ALK: variants seen among roughly 807,000 people sequenced by gnomAD.
ALK encodes ALK receptor tyrosine kinase, also known as ALK tyrosine kinase receptor.
A neutral mutation model predicts 163.1 loss-of-function variants in ALK; 74 were observed. The observed-to-expected ratio is 0.45, with a 90% confidence interval of 0.38 to 0.55. The LOEUF is 0.55. Ranked by LOEUF, ALK falls within the 20% of genes least tolerant of loss-of-function variation. ALK has a pLI of 0.00. For missense variants in ALK, 2,063 were observed against 2,105.3 expected (o/e 0.98, Z 0.39); for synonymous variants, 960 against 843.2 (o/e 1.14, Z -2.40).
chr2:29,442,855 T>C (rs547122066), intron 4 of ALK, among the ~76,000 whole-genome samples: 2 of 152,206 alleles, frequency 1.3e-5, no homozygotes, highest in African/African-American at 4.8e-5. Flanking sequence ...AACATAGTGT[T>C]AGACAAATGA....
intron 3 of ALK, among the ~76,000 whole-genome samples, chr2:29,561,953 T>C (rs1325689827): frequency 2.6e-5 from 4 of 152,150 alleles, no homozygotes; most frequent in Admixed American, 6.5e-5. Flanking sequence ...CAGATACTAC[T>C]GAGAATCACT....
At chr2:29,302,237 G>C (rs545299288) in intron 8 of ALK, among the ~76,000 whole-genome samples, 2 of 152,216 alleles carry the variant, frequency 1.3e-5, no homozygotes, top group Non-Finnish European at 2.9e-5. Context: ...TTAACTTCCG[G>C]CCGGGTGCGG....
chr2:29,304,493 T>TAAAA (rs70958256), intron 8 of ALK, among the ~76,000 whole-genome samples: 1 of 125,436 alleles, frequency 8.0e-6, no homozygotes, highest in Non-Finnish European at 1.6e-5. Flanking sequence ...AGACTGTGTC[T>TAAAA]AAAAAAAAAA....
intron 3 of ALK, among the ~76,000 whole-genome samples, chr2:29,662,565 T>C (rs1677382089): frequency 1.3e-5 from 2 of 152,142 alleles, no homozygotes; most frequent in Admixed American, 1.3e-4. Context: ...AGAATTTACA[T>C]CGAGGAATAT....
rs1322100435 is a variant in ALK at position 29,920,741 on chromosome 2, CA to C, written c.-83del. The C allele has an allele frequency of 1.5e-6, 2 of 1,290,762 alleles. No individual in the cohort carries two copies. Among genetic ancestry groups the C allele is most frequent in the African/African-American group, 2.9e-5 (2 of 68,076 alleles). 80.0% of individuals were successfully genotyped at this position (1,290,762 alleles called of 1,614,324 possible). Reference sequence around the variant, plus strand: ...CCCCGAGATGGGAAGAGGCTCTGAACAGTCCTTGGTACCCAGCGGCTCCTTC... The same window carrying C: ...CCCCGAGATGGGAAGAGGCTCTGAACGTCCTTGGTACCCAGCGGCTCCTTC... On this transcript the variant is annotated 5_prime_UTR_variant, in exon 1 of 29. Transcript: ENST00000389048.
chr2:29,536,644 A>G (rs1159753844), intron 3 of ALK, among the ~76,000 whole-genome samples: 1 of 152,192 alleles, frequency 6.6e-6, no homozygotes, highest in Non-Finnish European at 1.5e-5. Flanking sequence ...TAACTTTGGA[A>G]CTGAGTAACG....
Position 29,640,536 on chromosome 2 carries a change from T to C in ALK, c.952+54314A>G, listed in dbSNP as rs189997184. Among the ~76,000 whole-genome samples, 22 of 152,338 alleles carry C rather than the reference T, an allele frequency of 1.4e-4. No individual in the cohort carries two copies. The East Asian group carries it at 3.9e-3, about 27-fold the overall frequency. ...AAGAAGCTGAGCAGGCGCCACATTC[T>C]GTACATGCCTATACATGAGAAGCTG... is the stretch of plus-strand genomic sequence containing the variant. On this transcript the variant is annotated intron_variant, in intron 3 of 28. Transcript: ENST00000389048.
chr2:29,910,610 A>C (rs1667676509), intron 1 of ALK, among the ~76,000 whole-genome samples: 1 of 152,216 alleles, frequency 6.6e-6, no homozygotes, highest in Non-Finnish European at 1.5e-5. Flanking sequence ...AAGGTGGGAA[A>C]GACATAACAG....
intron 1 of ALK, among the ~76,000 whole-genome samples, chr2:29,818,118 C>T (rs1664948250): frequency 6.6e-6 from 1 of 152,130 alleles, no homozygotes; most frequent in African/African-American, 2.4e-5. Flanking sequence ...TATTATTCCT[C>T]TTATTATCTC....
At position 29,508,733 on chromosome 2, in the gene ALK, C is replaced by CAAA. The variant is rs60719550; in HGVS notation, c.1154+23179_1154+23181dup. ...CCAAAAAAATCCCATATCTGCAACT[C>CAAA]AAAAAAAAAAAAAAAAAAAAAAAAA... On this transcript the variant is annotated intron_variant, in intron 4 of 28. Transcript: ENST00000389048. 4.3e-3 allele frequency among the ~76,000 whole-genome samples: 284 copies of CAAA among 65,498 alleles called. 9 individuals are homozygous for CAAA. The highest frequency in any genetic ancestry group is 0.011 in the African/African-American group (158 of 14,804). 43.0% of individuals were successfully genotyped at this position (65,498 alleles called of 152,430 possible).
intron 4 of ALK, among the ~76,000 whole-genome samples, chr2:29,472,200 G>C (rs563331737): frequency 2.6e-5 from 4 of 152,236 alleles, no homozygotes; most frequent in Non-Finnish European, 5.9e-5. Flanking sequence ...CCAGTCTACT[G>C]TTGGCATCAA....
At chr2:29,575,966 C>G (rs576628598) in intron 3 of ALK, among the ~76,000 whole-genome samples, 22 of 152,236 alleles carry the variant, frequency 1.4e-4, no homozygotes, top group African/African-American at 5.3e-4. Context: ...TATATGAGAG[C>G]ATACTGTGCA....
chr2:29,538,130 A>T (rs900374104), intron 3 of ALK, among the ~76,000 whole-genome samples: 1 of 152,208 alleles, frequency 6.6e-6, no homozygotes, highest in Non-Finnish European at 1.5e-5. Flanking sequence ...ATGAGTTAAT[A>T]CTTTTGAGGA....
At chr2:29,880,003 A>G (rs544114543) in intron 1 of ALK, among the ~76,000 whole-genome samples, 1 of 152,350 alleles carries the variant, frequency 6.6e-6, no homozygotes, top group Admixed American at 6.5e-5. Context: ...CCAATGTCCC[A>G]TGGCAGATTT....
intron 8 of ALK, among the ~76,000 whole-genome samples, chr2:29,299,200 GC>G (rs1173563804): frequency 6.6e-6 from 1 of 152,058 alleles, no homozygotes; most frequent in East Asian, 1.9e-4. Context: ...CTCCTAAAGT[GC>G]CTCTCCCTCT....
intron 1 of ALK, among the ~76,000 whole-genome samples, chr2:29,809,043 C>T (rs917029611): frequency 3.3e-5 from 5 of 152,180 alleles, no homozygotes; most frequent in Non-Finnish European, 2.9e-5. Context: ...CTTCACCAAA[C>T]CAGTGGAATA....
intron 4 of ALK, among the ~76,000 whole-genome samples, chr2:29,449,500 G>C (rs1670770043): frequency 6.6e-6 from 1 of 152,166 alleles, no homozygotes; most frequent in Non-Finnish European, 1.5e-5. Context: ...TGCTGTGTTG[G>C]GGCCTCCATT....
chr2:29,476,578 T>C (rs1342812224), intron 4 of ALK, among the ~76,000 whole-genome samples: 1 of 151,774 alleles, frequency 6.6e-6, no homozygotes, highest in African/African-American at 2.4e-5. Flanking sequence ...GTGTCGGTGG[T>C]AGAAGCACAG....
At chr2:29,819,128 T>C (rs910198599) in intron 1 of ALK, among the ~76,000 whole-genome samples, 1 of 152,190 alleles carries the variant, frequency 6.6e-6, no homozygotes, top group Admixed American at 6.5e-5. Flanking sequence ...CTGTTATAAA[T>C]AAAGAATCTC....
Sources: allele counts gnomAD v4.1 joint callset (sites outside exome capture counted in the v4.1 genomes callset), GRCh38; gene constraint gnomAD v4.1.1; transcripts MANE v1.5; gene names NCBI Gene and HGNC (gene_info 2026-07-23, HGNC 2026-07-21).